Variants in PCDH9 observed in about 807,000 individuals in gnomAD.
The protein encoded by PCDH9 is protocadherin-9.
A neutral mutation model predicts 70.6 loss-of-function variants in PCDH9; 24 were observed. The ratio of observed to expected loss-of-function variants is 0.34; its 90% CI spans 0.25 to 0.48. The LOEUF (loss-of-function observed/expected upper bound fraction) is 0.48, where lower values mean the gene tolerates loss of function less well. Among genes scored for constraint, PCDH9 ranks in the 20% least tolerant of loss-of-function variants. PCDH9 has a pLI of 0.99. For missense variants in PCDH9, 1,281 were observed against 1,503.6 expected, an observed-to-expected ratio of 0.85 and a Z score of 2.45; for synonymous variants, 562 against 558.5, an observed-to-expected ratio of 1.01 and a Z score of -0.09.
At chr13:67,220,073 A>G (rs1049712794) in intron 2 of PCDH9, 1 of 151,922 alleles carries the variant, frequency 6.6e-6, no homozygotes, top group South Asian at 2.1e-4. Flanking sequence ...AAACACCCAG[A>G]CTGGTATAGT....
At chr13:66,649,204 A>T (rs1186727255) in intron 3 of PCDH9, among the ~76,000 whole-genome samples, 4 of 152,166 alleles carry the variant, frequency 2.6e-5, no homozygotes, top group Non-Finnish European at 4.4e-5. Context: ...AAGTAAAATA[A>T]GGTTATATCA....
chr13:67,104,061 T>G (rs2086487101), intron 2 of PCDH9, among the ~76,000 whole-genome samples: 1 of 152,168 alleles, frequency 6.6e-6, no homozygotes. Flanking sequence ...TATTTTAAGC[T>G]TTGTATTCCT....
chr13:66,737,834 C>A (rs1315933268), intron 3 of PCDH9, among the ~76,000 whole-genome samples: 1 of 151,950 alleles, frequency 6.6e-6, no homozygotes, highest in Non-Finnish European at 1.5e-5. Context: ...ACACCTGGCT[C>A]GGAGGGTCCT....
intron 4 of PCDH9, among the ~76,000 whole-genome samples, chr13:66,431,696 T>C (rs1314794209): frequency 6.6e-6 from 1 of 152,008 alleles, no homozygotes; most frequent in Non-Finnish European, 1.5e-5. Context: ...TCACTTAAAG[T>C]ATTGTATTTC....
intron 4 of PCDH9, among the ~76,000 whole-genome samples, chr13:66,408,075 G>A: frequency 7.4e-6 from 1 of 134,676 alleles, no homozygotes; most frequent in African/African-American, 2.7e-5. Context: ...TTTTTGAGAC[G>A]GAGTCTCGCT....
In PCDH9 at chr13:66,725,286, G is replaced by T. The variant is rs368315475; in HGVS notation, c.3139-93875C>A. 1.0e-3 allele frequency among the ~76,000 whole-genome samples: 154 copies of T among 152,160 alleles called. 3 individuals are homozygous for T. In the South Asian group the frequency reaches 0.03, roughly 30 times the overall value. ...ATTACCTACTTGGTTGATTGTCCAA[G>T]CTATTATCACCTCTCATCTGGATTA... On this transcript the variant is annotated intron_variant, in intron 3 of 4. Coordinates refer to ENST00000377865, the MANE Select transcript of PCDH9 (RefSeq NM_203487.3).
intron 4 of PCDH9, among the ~76,000 whole-genome samples, chr13:66,313,461 A>G (rs1955598216): frequency 6.6e-6 from 1 of 152,206 alleles, no homozygotes; most frequent in Non-Finnish European, 1.5e-5. Context: ...TAAGCAGTGA[A>G]GTAATAATAC....
At chr13:67,146,454 T>C (rs1281778646) in intron 2 of PCDH9, among the ~76,000 whole-genome samples, 1 of 152,178 alleles carries the variant, frequency 6.6e-6, no homozygotes, top group Non-Finnish European at 1.5e-5. Context: ...TCCTGAAATA[T>C]AAACCAAACC....
At chr13:66,489,789 C>A (rs1253507536) in intron 4 of PCDH9, among the ~76,000 whole-genome samples, 1 of 152,136 alleles carries the variant, frequency 6.6e-6, no homozygotes, top group Non-Finnish European at 1.5e-5. Flanking sequence ...CACATACATT[C>A]TTAGCAGCTT....
intron 2 of PCDH9, among the ~76,000 whole-genome samples, chr13:67,090,077 A>T (rs559762554): frequency 6.6e-6 from 1 of 152,166 alleles, no homozygotes; most frequent in Admixed American, 6.6e-5. Flanking sequence ...CCATAATCTC[A>T]AACTATTAGA....
chr13:66,915,761 A>G (rs1950303416), intron 2 of PCDH9, among the ~76,000 whole-genome samples: 1 of 151,664 alleles, frequency 6.6e-6, no homozygotes, highest in Non-Finnish European at 1.5e-5. Context: ...GAAACAGGAA[A>G]TCAGTGTAAA....
intron 4 of PCDH9, among the ~76,000 whole-genome samples, chr13:66,358,128 A>C (rs1377190161): frequency 2.0e-5 from 3 of 152,030 alleles, no homozygotes; most frequent in Non-Finnish European, 2.9e-5. Context: ...GTAGGTTTAT[A>C]ATTCTAGAAT....
chr13:67,007,105 T>C (rs1433961971), intron 2 of PCDH9, among the ~76,000 whole-genome samples: 2 of 136,280 alleles, frequency 1.5e-5, no homozygotes, highest in African/African-American at 2.5e-5. Flanking sequence ...AAACTTATTC[T>C]GAATTTTTTT....
At chr13:66,679,192 A>G (rs2139055166) in intron 3 of PCDH9, among the ~76,000 whole-genome samples, 1 of 151,754 alleles carries the variant, frequency 6.6e-6, no homozygotes, top group African/African-American at 2.4e-5. Context: ...TATTCTGAAA[A>G]ACAATTTAAT....
intron 4 of PCDH9, among the ~76,000 whole-genome samples, chr13:66,342,192 A>C (rs1244858798): frequency 6.6e-6 from 1 of 152,244 alleles, no homozygotes; most frequent in Non-Finnish European, 1.5e-5. Context: ...AGTTGCCACA[A>C]AAAAGTTGAG....
chr13:67,151,197 A>C lies in PCDH9; in HGVS notation c.3036+74208T>G, dbSNP rs528086939. 2.0e-5 allele frequency among the ~76,000 whole-genome samples: 3 copies of C among 152,192 alleles called. No homozygotes were observed. The East Asian group carries it at 5.8e-4, about 29-fold the overall frequency. ...GAGTACCAATAGCTCCTTTTTTAAA[A>C]AAAAATCACATTCATGTGTTTTATC... On this transcript the variant is annotated intron_variant, in intron 2 of 4. Transcript: ENST00000377865.
intron 2 of PCDH9, among the ~76,000 whole-genome samples, chr13:67,080,434 G>T (rs907254144): frequency 6.6e-6 from 1 of 152,088 alleles, no homozygotes; most frequent in Non-Finnish European, 1.5e-5. Context: ...GTGTAAAATG[G>T]TTAGTTGGAT....
At chr13:67,155,906 C>T (rs1483033160) in intron 2 of PCDH9, among the ~76,000 whole-genome samples, 1 of 152,128 alleles carries the variant, frequency 6.6e-6, no homozygotes, top group South Asian at 2.1e-4. Flanking sequence ...TCTATGCCTG[C>T]TACAGCGTTT....
intron 4 of PCDH9, among the ~76,000 whole-genome samples, chr13:66,615,423 GT>G (rs2077343590): frequency 6.6e-6 from 1 of 152,130 alleles, no homozygotes; most frequent in Non-Finnish European, 1.5e-5. Flanking sequence ...GTTATCTTAA[GT>G]TATTGTAAAC....
Sources: allele counts gnomAD v4.1 joint callset (sites outside exome capture counted in the v4.1 genomes callset), GRCh38; gene constraint gnomAD v4.1.1; transcripts MANE v1.5; gene names NCBI Gene and HGNC (gene_info 2026-07-23, HGNC 2026-07-21).